DIP2C: variants seen among roughly 807,000 people sequenced by gnomAD.
The protein encoded by DIP2C is disco-interacting protein 2 homolog C.
DIP2C carries 33 observed loss-of-function variants against 192.4 expected under a neutral mutation model. That is an observed-to-expected ratio of 0.17 (90% confidence interval 0.13 to 0.23). DIP2C has a LOEUF of 0.23. Ranked by LOEUF, DIP2C falls within the 10% of genes least tolerant of loss-of-function variation. The probability of loss-of-function intolerance (pLI) is 1.00; values close to 1 mark genes in which losing one functional copy is unlikely to be tolerated. For missense variants in DIP2C, 1,537 were observed against 2,110.1 expected (o/e 0.73, Z 5.32); for synonymous variants, 979 against 864.1 (o/e 1.13, Z -2.33).
At chr10:408,705 A>C (rs528364004) in intron 9 of DIP2C, among the ~76,000 whole-genome samples, 176 of 152,366 alleles carry the variant, frequency 1.2e-3, no homozygotes, top group Admixed American at 4.1e-3. Flanking sequence ...TGGGGCATAA[A>C]GCATGGACAA....
chr10:507,354 T>C (rs1588333276), intron 1 of DIP2C, among the ~76,000 whole-genome samples: 1 of 149,684 alleles, frequency 6.7e-6, no homozygotes, highest in Admixed American at 6.7e-5. Flanking sequence ...GGTCACCCGC[T>C]GTGTCCAACC....
At chr10:501,388 A>G (rs1428612237) in intron 1 of DIP2C, among the ~76,000 whole-genome samples, 1 of 152,222 alleles carries the variant, frequency 6.6e-6, no homozygotes, top group East Asian at 1.9e-4. Flanking sequence ...ATACATTATG[A>G]GTAGAACTTG....
At chr10:369,308 C>T (rs1960675266) in intron 18 of DIP2C, among the ~76,000 whole-genome samples, 186 bp downstream of exon 18, 1 of 152,194 alleles carries the variant, frequency 6.6e-6, no homozygotes, top group Non-Finnish European at 1.5e-5. Flanking sequence ...TGATCGTCTA[C>T]CAGGAGAGGG....
At chr10:658,767 T>C (rs1181999579) in intron 1 of DIP2C, among the ~76,000 whole-genome samples, 13 of 152,218 alleles carry the variant, frequency 8.5e-5, no homozygotes, top group Non-Finnish European at 1.9e-4. Flanking sequence ...TTAACATATA[T>C]TTAACCCCAA....
chr10:409,554 G>T (rs547103064), intron 8 of DIP2C, among the ~76,000 whole-genome samples: 6 of 152,240 alleles, frequency 3.9e-5, no homozygotes, highest in Non-Finnish European at 8.8e-5. Flanking sequence ...TGAAGTGCCT[G>T]CAGCAAGGTC....
chr10:484,790 A>G, intron 2 of DIP2C: 1 of 1,611,050 alleles, frequency 6.2e-7, no homozygotes, highest in Non-Finnish European at 8.5e-7. Flanking sequence ...CCGAAACGAA[A>G]GTAAAACAGA....
chr10:324,839 C>T, intron 31 of DIP2C: 1 of 472,694 alleles, frequency 2.1e-6, no homozygotes, highest in South Asian at 1.6e-5. Context: ...TTGTGGAAAA[C>T]ACCAGCACGC....
intron 1 of DIP2C, among the ~76,000 whole-genome samples, chr10:627,465 T>C (rs188491717): frequency 1.3e-5 from 2 of 152,334 alleles, no homozygotes; most frequent in East Asian, 3.9e-4. Flanking sequence ...GGCATCTTCT[T>C]GGCAACCTCG....
At chr10:377,898 G>A (rs943199528) in intron 17 of DIP2C, among the ~76,000 whole-genome samples, 5 of 152,094 alleles carry the variant, frequency 3.3e-5, no homozygotes, top group African/African-American at 1.2e-4. Flanking sequence ...AAATATCAGG[G>A]TATCCAAATA....
chr10:456,416 GAGTAAATGAGATGAAA>G (rs1223990765), intron 3 of DIP2C, among the ~76,000 whole-genome samples: 4,082 of 129,818 alleles, frequency 0.031, 139 homozygotes, highest in African/African-American at 0.11. Flanking sequence ...AGGCTGTGAG[GAGTAAATGAGATGAAA>G]ACACTCTGCA....
chr10:401,497 C>A (rs1964446721), intron 9 of DIP2C, among the ~76,000 whole-genome samples: 1 of 148,704 alleles, frequency 6.7e-6, no homozygotes, highest in African/African-American at 2.5e-5. Flanking sequence ...CACATGAATC[C>A]TGTGATTTTA....
intron 1 of DIP2C, among the ~76,000 whole-genome samples, chr10:569,784 GGA>G (rs1468533054): frequency 6.6e-6 from 1 of 152,144 alleles, no homozygotes; most frequent in African/African-American, 2.4e-5. Context: ...GGGGTAGGGA[GGA>G]GAGAGGATGG....
At chr10:616,953 AC>A (rs1200223281) in intron 1 of DIP2C, among the ~76,000 whole-genome samples, 2 of 151,852 alleles carry the variant, frequency 1.3e-5, no homozygotes, top group African/African-American at 4.8e-5. Flanking sequence ...ACCACCAACC[AC>A]CCCCCATCCC....
chr10:405,834 A>G (rs200046766), intron 9 of DIP2C, among the ~76,000 whole-genome samples: 2 of 152,150 alleles, frequency 1.3e-5, no homozygotes, highest in Admixed American at 6.5e-5. Context: ...GGCTCCTCAC[A>G]CAGCCGGCCC....
intron 3 of DIP2C, among the ~76,000 whole-genome samples, chr10:458,049 GGAT>G (rs1421023051): frequency 1.3e-5 from 2 of 152,156 alleles, no homozygotes; most frequent in Non-Finnish European, 2.9e-5. Context: ...TGAAGCAGGA[GGAT>G]GATTTTATAT....
intron 3 of DIP2C, among the ~76,000 whole-genome samples, chr10:444,525 C>G (rs2133285997): frequency 6.6e-6 from 1 of 152,152 alleles, no homozygotes; most frequent in East Asian, 1.9e-4. Context: ...TTTCTTGGTG[C>G]TCTTCCGTCA....
chr10:492,929 TAA>T (rs1354297545), intron 1 of DIP2C, among the ~76,000 whole-genome samples: 9 of 152,214 alleles, frequency 5.9e-5, no homozygotes, highest in Admixed American at 5.2e-4. Flanking sequence ...CTTCTGATGT[TAA>T]AAGAGAATAA....
chr10:337,970 G>GTGTGTGTGTGTTGTAGAGGCCTAGGAAGC (rs1957949610), intron 29 of DIP2C, among the ~76,000 whole-genome samples: 2 of 149,834 alleles, frequency 1.3e-5, no homozygotes, highest in African/African-American at 4.9e-5. Context: ...GTGTGTGTGC[G>GTGTGTGTGTGTTGTAGAGGCCTAGGAAGC]TGTGTGTGTG....
intron 1 of DIP2C, among the ~76,000 whole-genome samples, chr10:686,345 C>T (rs1162549181): frequency 6.6e-6 from 1 of 151,630 alleles, no homozygotes; most frequent in East Asian, 1.9e-4. Flanking sequence ...GCACAGCCTT[C>T]CCCCCACGTG....
Sources: allele counts gnomAD v4.1 joint callset (sites outside exome capture counted in the v4.1 genomes callset), GRCh38; gene constraint gnomAD v4.1.1; transcripts MANE v1.5; gene names NCBI Gene and HGNC (gene_info 2026-07-23, HGNC 2026-07-21).